The following ITPR1 variants were observed in gnomAD, a reference collection of about 807,000 sequenced individuals.
ITPR1 encodes the protein inositol 1,4,5-trisphosphate-gated calcium channel ITPR1.
In ITPR1, 96 loss-of-function variants were observed where a neutral mutation model predicts 318.4. The observed-to-expected ratio is 0.30, with a 90% CI of 0.26 to 0.36. The LOEUF (loss-of-function observed/expected upper bound fraction) is 0.36. Among genes scored for constraint, ITPR1 ranks in the 10% least tolerant of loss-of-function variants. The pLI, the probability that ITPR1 is intolerant of heterozygous loss-of-function variation, is 1.00. For synonymous variants in ITPR1, 1,312 were observed against 1,289.9 expected, an observed-to-expected ratio of 1.02 and a Z score of -0.37; for missense variants, 2,440 against 3,460.2, an observed-to-expected ratio of 0.71 and a Z score of 7.40.
intron 48 of ITPR1, among the ~76,000 whole-genome samples, chr3:4,778,681 T>C (rs2046630190): frequency 6.6e-6 from 1 of 152,182 alleles, no homozygotes; most frequent in Non-Finnish European, 1.5e-5. Flanking sequence ...TAAACAGAAG[T>C]TCATGTGCTC....
intron 47 of ITPR1, among the ~76,000 whole-genome samples, chr3:4,775,908 C>T (rs1162839399): frequency 6.6e-6 from 1 of 152,204 alleles, no homozygotes; most frequent in East Asian, 1.9e-4. Context: ...ATTTAAACAT[C>T]ATGGACATTC....
At chr3:4,496,041 C>G (rs932218287) in intron 2 of ITPR1, among the ~76,000 whole-genome samples, 1 of 152,076 alleles carries the variant, frequency 6.6e-6, no homozygotes, top group African/African-American at 2.4e-5. Flanking sequence ...TTTTGGAAAG[C>G]CTGAATGGGG....
intron 2 of ITPR1, among the ~76,000 whole-genome samples, chr3:4,515,900 C>T (rs1004837296): frequency 6.6e-6 from 1 of 152,110 alleles, no homozygotes; most frequent in African/African-American, 2.4e-5. Flanking sequence ...GGGTGACATG[C>T]GTACAGTTGT....
At chr3:4,716,152 C>G (rs967247717) in intron 39 of ITPR1, among the ~76,000 whole-genome samples, 3 of 152,160 alleles carry the variant, frequency 2.0e-5, no homozygotes, top group African/African-American at 7.2e-5. Flanking sequence ...TATAAACACT[C>G]TGTGTGCAAT....
chr3:4,660,847 G>T (rs1176917757), intron 13 of ITPR1, 141 bp from the exon 14 acceptor site: 901 of 343,554 alleles, frequency 2.6e-3, no homozygotes, highest in Middle Eastern at 3.4e-3. Context: ...TGGACCATTT[G>T]CCCCTTCGTG....
chr3:4,622,156 C>T (rs571434488), intron 4 of ITPR1, among the ~76,000 whole-genome samples: 1 of 148,222 alleles, frequency 6.7e-6, no homozygotes, highest in Non-Finnish European at 1.5e-5. Flanking sequence ...GTTCCGTTGC[C>T]CAGGCTGGAG....
In ITPR1 at chr3:4,847,395, CAAAAAA is replaced by C. The variant is rs3079679; in HGVS notation, c.*1179_*1184del. On this transcript the variant is annotated 3_prime_UTR_variant, in exon 62 of 62. Transcript: ENST00000649015. ...CTCATTTTACAAGAGAATCTCTCTG[CAAAAAA>C]AAAAAAAACAGTTTAAAAATGCATT... is the stretch of plus-strand genomic sequence containing the variant. 7.4e-6 allele frequency: 1 copy of C among 135,162 alleles called. No individual in the cohort carries two copies. The highest frequency in any genetic ancestry group is 7.4e-5 in the Admixed American group (1 of 13,484). The allele number at this position is 135,162 out of a possible 1,614,324, so 8.4% of individuals were successfully genotyped here. A position where few individuals can be genotyped will look rare whatever the true frequency, so the allele number is the denominator to read the frequency against.
chr3:4,780,535 C>T (rs3805016), intron 49 of ITPR1, among the ~76,000 whole-genome samples: 142,503 of 152,228 alleles, frequency 0.94, 66,876 homozygotes, highest in Non-Finnish European at 0.97. Context: ...TATTTGGACT[C>T]TTTTTCCACG....
At position 4,846,853 on chromosome 3, in the gene ITPR1, ATTCATT is replaced by A. The variant is rs1364041625; in HGVS notation, c.*631_*636del. On this transcript the variant is annotated 3_prime_UTR_variant, in exon 62 of 62. Transcript: ENST00000649015. ...CAAGTCTATGAACTGTTAAATCAGC[ATTCATT>A]TTAAGAAAAGCAACTTTAGTTTCAA... 2.6e-5 allele frequency: 4 copies of A among 152,798 alleles called. No homozygotes were observed. The highest frequency in any genetic ancestry group is 4.4e-5 in the Non-Finnish European group (3 of 68,030). The allele number at this position is 152,798 out of a possible 1,614,324, so 9.5% of individuals were successfully genotyped here.
intron 42 of ITPR1, among the ~76,000 whole-genome samples, chr3:4,730,297 G>A (rs2042821588): frequency 6.8e-6 from 1 of 147,248 alleles, no homozygotes; most frequent in Admixed American, 6.8e-5. Flanking sequence ...GTGTATGTGT[G>A]TATAGAGAAG....
intron 60 of ITPR1, among the ~76,000 whole-genome samples, chr3:4,829,000 C>T (rs950501681): frequency 1.3e-5 from 2 of 152,164 alleles, no homozygotes; most frequent in African/African-American, 4.8e-5. Flanking sequence ...AAATTAGAGT[C>T]AATACGTGGA....
At chr3:4,749,310 A>G (rs950752819) in intron 44 of ITPR1, 1 of 152,144 alleles carries the variant, frequency 6.6e-6, no homozygotes, top group Non-Finnish European at 1.5e-5. Context: ...GCCTTCATTT[A>G]TGCATTATTG....
At chr3:4,721,442 G>T (rs1164687359) in intron 40 of ITPR1, among the ~76,000 whole-genome samples, 1 of 152,028 alleles carries the variant, frequency 6.6e-6, no homozygotes, top group Non-Finnish European at 1.5e-5. Context: ...CTACTGAAAT[G>T]CTAGATAACT....
At chr3:4,813,761 G>T (rs1316845689) in intron 57 of ITPR1, among the ~76,000 whole-genome samples, 2 of 152,186 alleles carry the variant, frequency 1.3e-5, no homozygotes, top group Non-Finnish European at 2.9e-5. Flanking sequence ...TGAAGCCACA[G>T]ATACAAACAA....
chr3:4,814,611 G>GGGGGGGT, intron 58 of ITPR1, 49 bp downstream of exon 58: 1 of 707,944 alleles, frequency 1.4e-6, no homozygotes, highest in Non-Finnish European at 2.4e-6. Context: ...GGGTGGGGTG[G>GGGGGGGT]TTGGTGGGAG....
intron 4 of ITPR1, among the ~76,000 whole-genome samples, chr3:4,561,034 G>A (rs2086620015): frequency 6.6e-6 from 1 of 152,192 alleles, no homozygotes; most frequent in Non-Finnish European, 1.5e-5. Context: ...TTCTGCTGGA[G>A]ATGTCCATAG....
chr3:4,826,051 C>T lies in ITPR1; in HGVS notation c.8028+7809C>T, dbSNP rs548219303. On this transcript the variant is annotated intron_variant, in intron 60 of 61. Coordinates refer to ENST00000649015, the MANE Select transcript of ITPR1 (RefSeq NM_001378452.1). This position sits in a 1 kb window ranked among gnomAD's most constrained non-coding sequence, Gnocchi z 4.2. ...GTGCAGGAGAGAGGAAGGGCGAGTC[C>T]AACAGGGCGTGCACTTAACCCTGGT... is the stretch of plus-strand genomic sequence containing the variant. Among the ~76,000 whole-genome samples, 2 of 152,310 alleles carry T rather than the reference C, an allele frequency of 1.3e-5. No homozygotes were observed. Among genetic ancestry groups the T allele is most frequent in the African/African-American group, 4.8e-5 (2 of 41,568 alleles).
chr3:4,617,555 A>G (rs1050063368), intron 4 of ITPR1, among the ~76,000 whole-genome samples: 1 of 152,350 alleles, frequency 6.6e-6, no homozygotes, highest in East Asian at 1.9e-4. Context: ...ATACCATTAC[A>G]TTGACAATTA....
chr3:4,789,261 A>G (rs7649566), intron 52 of ITPR1, among the ~76,000 whole-genome samples: 142,433 of 152,280 alleles, frequency 0.94, 66,889 homozygotes, highest in East Asian at 1. Flanking sequence ...CCAGGGGACC[A>G]TTAGCAGACC....
Sources: gnomAD v4.1 joint callset for allele counts (sites outside exome capture counted in the v4.1 genomes callset) on GRCh38, gnomAD v4.1.1 for gene constraint, Gnocchi (gnomAD v3.1) non-coding constraint, MANE v1.5 for transcripts, NCBI Gene and HGNC (gene_info 2026-07-23, HGNC 2026-07-21) for gene names.